Variants in LSAMP observed in about 807,000 individuals in gnomAD.
LSAMP encodes the protein limbic system-associated membrane protein.
Under a neutral mutation model 38.6 loss-of-function variants are expected in LSAMP, and 7 were observed. The observed-to-expected ratio is 0.18, with a 90% CI of 0.10 to 0.34. The LOEUF (loss-of-function observed/expected upper bound fraction) is 0.34, where lower values mean the gene tolerates loss of function less well. LSAMP is among the 10% of genes least tolerant of loss of function. The pLI is 1.00. For missense variants in LSAMP, 313 were observed against 420.0 expected (o/e 0.75, Z 2.23); for synonymous variants, 154 against 166.8 (o/e 0.92, Z 0.59).
chr3:116,092,412 G>C (rs1193332951), intron 1 of LSAMP, among the ~76,000 whole-genome samples: 1 of 152,012 alleles, frequency 6.6e-6, no homozygotes, highest in East Asian at 1.9e-4. Flanking sequence ...TGAAAAAAAA[G>C]TATAACATCC....
chr3:115,938,322 T>C (rs1030378864), intron 3 of LSAMP, among the ~76,000 whole-genome samples: 5 of 152,158 alleles, frequency 3.3e-5, no homozygotes, highest in Admixed American at 3.3e-4. Context: ...TACATTGAAA[T>C]AATGAAATGT....
At chr3:116,302,810 G>T (rs1027556090) in intron 1 of LSAMP, among the ~76,000 whole-genome samples, 1 of 152,132 alleles carries the variant, frequency 6.6e-6, no homozygotes, top group African/African-American at 2.4e-5. Context: ...ATGGACAGCT[G>T]ATATCACTCA....
At chr3:116,031,421 A>C (rs893028356) in intron 2 of LSAMP, among the ~76,000 whole-genome samples, 4 of 151,798 alleles carry the variant, frequency 2.6e-5, no homozygotes, top group African/African-American at 9.7e-5. Context: ...AAAATGGCTT[A>C]CTGTTCATCT....
At chr3:115,843,548 G>A (rs924341166) in intron 4 of LSAMP, among the ~76,000 whole-genome samples, 52 of 152,130 alleles carry the variant, frequency 3.4e-4, no homozygotes, top group African/African-American at 1.2e-3. Flanking sequence ...ATGTACACAT[G>A]GGGAAAACAG....
intron 1 of LSAMP, among the ~76,000 whole-genome samples, chr3:116,434,247 C>A (rs1021415222): frequency 6.6e-6 from 1 of 152,128 alleles, no homozygotes; most frequent in Non-Finnish European, 1.5e-5. Flanking sequence ...ATTTATAGTA[C>A]AACCATCTTT....
At chr3:115,970,984 A>G (rs917050128) in intron 3 of LSAMP, among the ~76,000 whole-genome samples, 11 of 152,110 alleles carry the variant, frequency 7.2e-5, no homozygotes, top group African/African-American at 2.7e-4. Flanking sequence ...TGAGGATGGG[A>G]GAGAGGAAGG....
At chr3:115,971,801 C>T (rs145834996) in intron 3 of LSAMP, among the ~76,000 whole-genome samples, 5 of 152,138 alleles carry the variant, frequency 3.3e-5, no homozygotes, top group East Asian at 3.9e-4. Flanking sequence ...TCAGTAGAGG[C>T]TCAATAAATG....
chr3:116,169,864 T>C (rs1710154198), intron 1 of LSAMP, among the ~76,000 whole-genome samples: 1 of 152,200 alleles, frequency 6.6e-6, no homozygotes, highest in Non-Finnish European at 1.5e-5. Context: ...TCATTTTTGA[T>C]GCCTACCATT....
chr3:115,834,664 T>C, intron 6 of LSAMP: 1 of 803,136 alleles, frequency 1.2e-6, no homozygotes. Context: ...CTTTCTCATG[T>C]TTAGTTATTC....
chr3:115,943,088 A>G (rs1937980665), intron 3 of LSAMP, among the ~76,000 whole-genome samples: 1 of 152,184 alleles, frequency 6.6e-6, no homozygotes, highest in Non-Finnish European at 1.5e-5. Context: ...TTAAAAGATG[A>G]GCATTTATGA....
chr3:116,136,014 C>G (rs970242046), intron 1 of LSAMP, among the ~76,000 whole-genome samples: 1 of 152,044 alleles, frequency 6.6e-6, no homozygotes, highest in African/African-American at 2.4e-5. Context: ...TTAAGTAGCA[C>G]TAAAGCTTAA....
chr3:116,056,859 C>A (rs540243280), intron 2 of LSAMP, among the ~76,000 whole-genome samples: 1 of 152,232 alleles, frequency 6.6e-6, no homozygotes, highest in Admixed American at 6.5e-5. Context: ...CATTGATTTG[C>A]AGATTCACTA....
At chr3:116,312,111 G>A (rs1265745467) in intron 1 of LSAMP, among the ~76,000 whole-genome samples, 4 of 152,142 alleles carry the variant, frequency 2.6e-5, no homozygotes, top group Non-Finnish European at 5.9e-5. Flanking sequence ...CTAGAAAAAG[G>A]TGGTATTGAT....
At chr3:116,270,646 T>A (rs1270519868) in intron 1 of LSAMP, among the ~76,000 whole-genome samples, 1 of 152,102 alleles carries the variant, frequency 6.6e-6, no homozygotes, top group Non-Finnish European at 1.5e-5. Flanking sequence ...CCTGGACAAC[T>A]GTGAACTGCC....
chr3:115,854,276 ATTATTATTTTTTT>A (rs1326632548), intron 3 of LSAMP, among the ~76,000 whole-genome samples: 1 of 119,604 alleles, frequency 8.4e-6, no homozygotes, highest in East Asian at 2.2e-4. Context: ...TATTATTATT[ATTATTATTTTTTT>A]TTTTTTTTTT....
chr3:116,434,095 A>C (rs1181262153), intron 1 of LSAMP, among the ~76,000 whole-genome samples: 1 of 152,196 alleles, frequency 6.6e-6, no homozygotes, highest in Non-Finnish European at 1.5e-5. Context: ...AGAATTATCT[A>C]TCTCTGATTT....
chr3:116,231,693 C>T (rs1286706994), intron 1 of LSAMP, among the ~76,000 whole-genome samples: 1 of 152,104 alleles, frequency 6.6e-6, no homozygotes, highest in Admixed American at 6.5e-5. Context: ...AATAAGAGTT[C>T]TGTTAAAGAG....
chr3:116,022,207 A>T (rs528965753), intron 2 of LSAMP, among the ~76,000 whole-genome samples: 18 of 150,494 alleles, frequency 1.2e-4, no homozygotes, highest in Admixed American at 9.3e-4. Flanking sequence ...TGCTTTCAAA[A>T]GAAATTTCTC....
intron 3 of LSAMP, among the ~76,000 whole-genome samples, chr3:115,859,249 C>T (rs191799303): frequency 1.3e-5 from 2 of 152,084 alleles, no homozygotes; most frequent in East Asian, 3.9e-4. Flanking sequence ...TAAAATGATC[C>T]CTGATTGAAA....
Sources: allele counts gnomAD v4.1 joint callset (sites outside exome capture counted in the v4.1 genomes callset), GRCh38; gene constraint gnomAD v4.1.1; transcripts MANE v1.5; gene names NCBI Gene and HGNC (gene_info 2026-07-23, HGNC 2026-07-21).